The following CDH23 variants were observed in gnomAD, a reference collection of about 807,000 sequenced individuals.
The protein encoded by CDH23 is cadherin-23.
Under a neutral mutation model 317.1 loss-of-function variants are expected in CDH23, and 189 were observed. The observed-to-expected ratio is 0.60, with a 90% CI of 0.53 to 0.67. The LOEUF is 0.67. Ranked by LOEUF, CDH23 falls within the 30% of genes least tolerant of loss-of-function variation. The pLI is 0.00. For missense variants in CDH23, 4,401 were observed against 4,592.4 expected, an observed-to-expected ratio of 0.96 and a Z score of 1.20; for synonymous variants, 1,839 against 1,876.8, an observed-to-expected ratio of 0.98 and a Z score of 0.52.
intron 11 of CDH23, among the ~76,000 whole-genome samples, chr10:71,643,085 C>T (rs1036384131): frequency 5.9e-5 from 9 of 152,194 alleles, no homozygotes; most frequent in Non-Finnish European, 1.5e-5. Flanking sequence ...TGTTAGTGTC[C>T]TCGTTCGCAT....
At chr10:71,540,499 C>A (rs1855927402) in intron 6 of CDH23, among the ~76,000 whole-genome samples, 1 of 152,182 alleles carries the variant, frequency 6.6e-6, no homozygotes, top group Non-Finnish European at 1.5e-5. Flanking sequence ...GCTGCCTGCA[C>A]AAACCACACG....
intron 38 of CDH23, among the ~76,000 whole-genome samples, chr10:71,764,159 G>A (rs1221036050): frequency 6.6e-6 from 1 of 152,222 alleles, no homozygotes; most frequent in African/African-American, 2.4e-5. Flanking sequence ...CTCAAAGCCT[G>A]GAGCATGGGG....
At chr10:71,570,718 G>C (rs993132881) in intron 7 of CDH23, 72 bp from the exon 8 acceptor site, 100 of 1,526,212 alleles carry the variant, frequency 6.6e-5, no homozygotes, top group Non-Finnish European at 8.8e-5. Context: ...GTCTGTGTGT[G>C]TGTGTACATA....
intron 32 of CDH23, among the ~76,000 whole-genome samples, chr10:71,733,369 G>A (rs559195170): frequency 4.6e-5 from 7 of 152,268 alleles, no homozygotes; most frequent in Admixed American, 6.5e-5. Flanking sequence ...ACATAGGTAC[G>A]ATCAATTATT....
At chr10:71,798,293 A>T in intron 49 of CDH23, 61 bp from the exon 50 acceptor site, 2 of 1,315,000 alleles carry the variant, frequency 1.5e-6, no homozygotes, top group South Asian at 2.4e-5. Context: ...AGGCTAAGGA[A>T]GGCCTGGCCC....
chr10:71,739,925 G>C (rs536587134), intron 36 of CDH23, among the ~76,000 whole-genome samples, 153 bp downstream of exon 36: 1 of 152,182 alleles, frequency 6.6e-6, no homozygotes, highest in African/African-American at 2.4e-5. Context: ...TGCACCCATC[G>C]GGGCCAAGAG....
chr10:71,672,037 G>GC (rs1864169762), intron 14 of CDH23, among the ~76,000 whole-genome samples: 1 of 152,106 alleles, frequency 6.6e-6, no homozygotes, highest in African/African-American at 2.4e-5. Context: ...CCCTCTGGGA[G>GC]CCACATCCTG....
intron 40 of CDH23, among the ~76,000 whole-genome samples, chr10:71,779,039 A>T (rs1840885764): frequency 6.6e-6 from 1 of 152,204 alleles, no homozygotes; most frequent in East Asian, 1.9e-4. Context: ...TGTCTGGCCA[A>T]TAGCATTTTT....
intron 7 of CDH23, among the ~76,000 whole-genome samples, chr10:71,567,573 C>T (rs1008765728): frequency 6.6e-6 from 1 of 152,236 alleles, no homozygotes; most frequent in African/African-American, 2.4e-5. Context: ...TGAGTAGTGG[C>T]GGAGCAAGAA....
intron 38 of CDH23, among the ~76,000 whole-genome samples, chr10:71,753,167 G>A (rs931225458): frequency 1.3e-5 from 2 of 152,058 alleles, no homozygotes; most frequent in Admixed American, 6.5e-5. Context: ...TCCAGCAAGC[G>A]ATCTGCGTGT....
chr10:71,813,169 T>A, intron 68 of CDH23, 75 bp from the exon 69 acceptor site: 8 of 1,372,778 alleles, frequency 5.8e-6, no homozygotes, highest in Non-Finnish European at 8.1e-6. Context: ...TACCCCTTAC[T>A]CCCAGAGGGA....
At position 71,682,586 on chromosome 10, in the gene CDH23, G is replaced by A; in HGVS notation, c.1986+14G>A. ...ATCGAGGTGTTTGTAAGTACCCAGG[G>A]CCACTGGCCTTGCCCTGCTAGTGTA... On this transcript the variant is annotated intron_variant, in intron 18 of 69. Transcript: ENST00000224721. 1 of 1,612,064 alleles carries A rather than the reference G, an allele frequency of 6.2e-7. No homozygotes were observed. Among genetic ancestry groups the A allele is most frequent in the Non-Finnish European group, 8.5e-7 (1 of 1,179,096 alleles).
intron 7 of CDH23, among the ~76,000 whole-genome samples, chr10:71,568,666 C>T (rs1857552327): frequency 6.6e-6 from 1 of 152,174 alleles, no homozygotes; most frequent in African/African-American, 2.4e-5. Flanking sequence ...GTGCTGTGCC[C>T]TTGGCTGCTG....
At chr10:71,617,113 A>T in intron 10 of CDH23, 92 bp from the exon 11 acceptor site, 1 of 1,486,698 alleles carries the variant, frequency 6.7e-7, no homozygotes, top group Non-Finnish European at 9.1e-7. Flanking sequence ...ACATTGAGGC[A>T]CAGTGGCTGG....
intron 3 of CDH23, among the ~76,000 whole-genome samples, chr10:71,491,788 T>C (rs1315660908): frequency 2.6e-5 from 4 of 152,152 alleles, no homozygotes; most frequent in African/African-American, 9.7e-5. Context: ...CTCCTGTTTG[T>C]GGGGTGTCCA....
rs770949827 is a variant in CDH23, at chr10:71,566,947, A to G, written c.624+11A>G. The G allele has an allele frequency of 1.2e-6, 2 of 1,609,342 alleles. No homozygotes were observed. Among genetic ancestry groups the G allele is most frequent in the Admixed American group, 3.3e-5 (2 of 59,986 alleles). ...ACGGTCAACGCCACAGTGAGTCTCC[A>G]TGCTGGGGCCCCGGCCGTCCCAGCT... On this transcript the variant is annotated intron_variant, in intron 7 of 69. Coordinates refer to ENST00000224721, the MANE Select transcript of CDH23 (RefSeq NM_022124.6).
At chr10:71,460,495 G>A (rs773547668) in intron 3 of CDH23, among the ~76,000 whole-genome samples, 19 of 152,268 alleles carry the variant, frequency 1.2e-4, no homozygotes, top group South Asian at 4.1e-4. Flanking sequence ...GCTGGCGTCC[G>A]ACTGGAGTGA....
At chr10:71,732,423 A>T (rs1839423252) in intron 32 of CDH23, 48 bp downstream of exon 32, 1 of 1,549,098 alleles carries the variant, frequency 6.5e-7, no homozygotes, top group Non-Finnish European at 8.7e-7. Flanking sequence ...TCTAACCAAC[A>T]TTGGTTGAGC....
chr10:71,413,621 C>T (rs990500316), intron 1 of CDH23, among the ~76,000 whole-genome samples: 6 of 152,150 alleles, frequency 3.9e-5, no homozygotes, highest in Non-Finnish European at 5.9e-5. Context: ...AATATGGTAT[C>T]TTAACAATAC....
Sources: gnomAD v4.1 joint callset for allele counts (sites outside exome capture counted in the v4.1 genomes callset) on GRCh38, gnomAD v4.1.1 for gene constraint, MANE v1.5 for transcripts, NCBI Gene and HGNC (gene_info 2026-07-23, HGNC 2026-07-21) for gene names.